The following CACNA1E variants were observed in gnomAD, a reference collection of about 807,000 sequenced individuals.
The protein encoded by CACNA1E is voltage-dependent R-type calcium channel subunit alpha-1E.
Under a neutral mutation model 259.2 loss-of-function variants are expected in CACNA1E, and 40 were observed. The observed-to-expected ratio is 0.15, with a 90% CI of 0.12 to 0.20. CACNA1E has a LOEUF of 0.20. Among genes scored for constraint, CACNA1E ranks in the 10% least tolerant of loss-of-function variants. CACNA1E has a pLI of 1.00. For missense variants in CACNA1E, 1,874 were observed against 3,040.1 expected, an observed-to-expected ratio of 0.62 and a Z score of 9.02; for synonymous variants, 1,104 against 1,138.5, an observed-to-expected ratio of 0.97 and a Z score of 0.61.
intron 7 of CACNA1E, among the ~76,000 whole-genome samples, chr1:181,695,082 C>CATTG (rs1451272581): frequency 1.4e-4 from 21 of 151,786 alleles, no homozygotes; most frequent in South Asian, 2.1e-4. Flanking sequence ...CTTGCAATGA[C>CATTG]CAAGTTAAAT....
chr1:181,791,623 G>C (rs929970065), intron 44 of CACNA1E, among the ~76,000 whole-genome samples: 1 of 152,110 alleles, frequency 6.6e-6, no homozygotes, highest in African/African-American at 2.4e-5. Context: ...CCTAGTTCAG[G>C]AGCCATGAGC....
chr1:181,337,044 T>TACA (rs10700470), intron 1 of CACNA1E, among the ~76,000 whole-genome samples: 75,237 of 149,792 alleles, frequency 0.5, 19,306 homozygotes, highest in African/African-American at 0.55. Context: ...TTTAAGGTGT[T>TACA]ACATGTTTTG....
At chr1:181,480,939 T>C (rs1031479702), upstream of CACNA1E, among the ~76,000 whole-genome samples, 6 of 152,206 alleles carry the variant, frequency 3.9e-5, no homozygotes, top group African/African-American at 1.4e-4. Context: ...TTTTGTGCTA[T>C]GGATTATGGT....
At chr1:181,753,435 C>T (rs573420745) in intron 27 of CACNA1E, among the ~76,000 whole-genome samples, 42 of 152,332 alleles carry the variant, frequency 2.8e-4, no homozygotes, top group Non-Finnish European at 4.7e-4. Context: ...GTGCGAGGCT[C>T]AGCTCTAGGA....
At chr1:181,737,478 G>T in intron 22 of CACNA1E, 47 bp from the exon 23 acceptor site, 1 of 1,607,712 alleles carries the variant, frequency 6.2e-7, no homozygotes, top group Non-Finnish European at 8.5e-7. Flanking sequence ...GTAAGGGCAT[G>T]GGCGTGGTGG....
intron 7 of CACNA1E, among the ~76,000 whole-genome samples, chr1:181,677,972 CA>C (rs1649547427): frequency 6.6e-6 from 1 of 152,134 alleles, no homozygotes; most frequent in African/African-American, 2.4e-5. Flanking sequence ...GACCTCACAG[CA>C]GAGGGAATTA....
intron 6 of CACNA1E, among the ~76,000 whole-genome samples, chr1:181,596,784 A>C (rs1653220324): frequency 6.6e-6 from 1 of 152,218 alleles, no homozygotes; most frequent in South Asian, 2.1e-4. Context: ...AGTAGAAAGA[A>C]CAAGAAAAGA....
chr1:181,423,750 T>C (rs1025725774), intron 2 of CACNA1E, among the ~76,000 whole-genome samples: 4 of 150,668 alleles, frequency 2.7e-5, no homozygotes, highest in African/African-American at 2.5e-5. Context: ...GTCCACATGC[T>C]GCCACCTGCT....
rs114418878 is a variant in CACNA1E at position 181,518,752 on chromosome 1, A to C, written c.512+7242A>C. Among the ~76,000 whole-genome samples, 562 of 152,242 alleles carry C rather than the reference A, an allele frequency of 3.7e-3. 4 individuals carry two copies. The highest frequency in any genetic ancestry group is 0.012 in the African/African-American group (511 of 41,524). On this transcript the variant is annotated intron_variant, in intron 3 of 47. Coordinates refer to ENST00000367573, the MANE Select transcript of CACNA1E (RefSeq NM_001205293.3). The stretch of plus-strand genomic sequence containing the variant: ...CTCAACAGATATATATTGAATATAC[A>C]CTGTGTTCCAGATGTAAGACATTGG...
chr1:181,427,028 A>G (rs1659325585), intron 2 of CACNA1E, among the ~76,000 whole-genome samples: 1 of 139,614 alleles, frequency 7.2e-6, no homozygotes, highest in Non-Finnish European at 1.5e-5. Context: ...TCACATCTCT[A>G]CCCCTTCCCA....
intron 3 of CACNA1E, among the ~76,000 whole-genome samples, chr1:181,525,039 GA>G (rs759838373): frequency 1.3e-5 from 2 of 152,264 alleles, no homozygotes; most frequent in Non-Finnish European, 2.9e-5. Context: ...ATTGAGGCTA[GA>G]AAGATAAATA....
At chr1:181,477,589 T>C (rs6674015) in intron 2 of CACNA1E, among the ~76,000 whole-genome samples, 2,707 of 152,296 alleles carry the variant, frequency 0.018, 81 homozygotes, top group African/African-American at 0.059. Flanking sequence ...TATTTTTTTT[T>C]CCTTTTTTCC....
chr1:181,687,563 A>C (rs969841647), intron 7 of CACNA1E, among the ~76,000 whole-genome samples: 1 of 152,152 alleles, frequency 6.6e-6, no homozygotes, highest in Non-Finnish European at 1.5e-5. Context: ...GCACATGGTG[A>C]GGGAAAAATA....
At chr1:181,386,507 G>A (rs573009906) in intron 1 of CACNA1E, among the ~76,000 whole-genome samples, 3 of 152,300 alleles carry the variant, frequency 2.0e-5, no homozygotes, top group South Asian at 4.1e-4. Context: ...GACACCGAAG[G>A]GGGTGAGGAC....
intron 1 of CACNA1E, among the ~76,000 whole-genome samples, chr1:181,371,920 C>T (rs965903487): frequency 5.3e-5 from 8 of 152,148 alleles, no homozygotes; most frequent in East Asian, 1.9e-4. Flanking sequence ...TTTCTGGGTT[C>T]GTTAACCTGT....
chr1:181,428,635 G>A (rs1368343483), intron 2 of CACNA1E, among the ~76,000 whole-genome samples: 2 of 152,120 alleles, frequency 1.3e-5, no homozygotes, highest in African/African-American at 2.4e-5. Flanking sequence ...CCCAGTGGTG[G>A]GTTTGTGATT....
At chr1:181,554,050 A>T (rs1301432069) in intron 3 of CACNA1E, among the ~76,000 whole-genome samples, 1 of 152,158 alleles carries the variant, frequency 6.6e-6, no homozygotes, top group East Asian at 1.9e-4. Flanking sequence ...TCACTCTGTC[A>T]TGCAGGCTGG....
chr1:181,555,144 C>A (rs867591398), intron 3 of CACNA1E, among the ~76,000 whole-genome samples: 17 of 152,206 alleles, frequency 1.1e-4, no homozygotes, highest in African/African-American at 3.9e-4. Flanking sequence ...TATCTCCTAT[C>A]CAAGTTTCAC....
In CACNA1E at chr1:181,523,810, T is replaced by A. The variant is rs1667159316; in HGVS notation, c.512+12300T>A. ...CAGAACTGCAATGTATGCCCCATTT[T>A]GCCTGTGGCTAAAGCCTGATTTTAG... On this transcript the variant is annotated intron_variant, in intron 3 of 47. Coordinates refer to ENST00000367573, the MANE Select transcript of CACNA1E (RefSeq NM_001205293.3). Among the ~76,000 whole-genome samples the A allele has an allele frequency of 2.0e-5, 3 of 152,260 alleles. No homozygotes were observed. The South Asian group carries it at 6.2e-4, about 31-fold the overall frequency.
Sources: allele counts gnomAD v4.1 joint callset (sites outside exome capture counted in the v4.1 genomes callset), GRCh38; gene constraint gnomAD v4.1.1; transcripts MANE v1.5; gene names NCBI Gene and HGNC (gene_info 2026-07-23, HGNC 2026-07-21).